The following ERC2 variants were observed in gnomAD, a reference collection of about 807,000 sequenced individuals.
ERC2 encodes ELKS/RAB6-interacting/CAST family member 2.
A neutral mutation model predicts 114.8 loss-of-function variants in ERC2; 42 were observed. The observed-to-expected ratio is 0.37, with a 90% CI of 0.29 to 0.47. The LOEUF is 0.47. ERC2 is among the 20% of genes least tolerant of loss of function. The pLI, the probability that ERC2 is intolerant of heterozygous loss-of-function variation, is 0.99. For missense variants in ERC2, 939 were observed against 1,150.7 expected, an observed-to-expected ratio of 0.82 and a Z score of 2.66; for synonymous variants, 454 against 425.5, an observed-to-expected ratio of 1.07 and a Z score of -0.82.
intron 14 of ERC2, among the ~76,000 whole-genome samples, chr3:55,842,588 A>C (rs754480608): frequency 2.4e-4 from 36 of 152,176 alleles, no homozygotes; most frequent in Non-Finnish European, 4.7e-4. Flanking sequence ...GCTCTGGTTA[A>C]ATATAGGTTG....
At chr3:56,044,989 T>C (rs941706130) in intron 7 of ERC2, among the ~76,000 whole-genome samples, 10 of 152,166 alleles carry the variant, frequency 6.6e-5, no homozygotes, top group Non-Finnish European at 1.2e-4. Context: ...TTCAAAAACA[T>C]AGTAACATGT....
Position 55,847,904 on chromosome 3 carries a change from TC to T in ERC2, c.2564+40484del, listed in dbSNP as rs201304427. On this transcript the variant is annotated intron_variant, in intron 14 of 17. Coordinates refer to ENST00000288221, the MANE Select transcript of ERC2 (RefSeq NM_015576.3). ...GCCTTGACCTCCTGGGCTCAAATGA[TC>T]CTCCTGCCTCAGCCTCCCAATCAGC... is the stretch of plus-strand genomic sequence containing the variant. Among the ~76,000 whole-genome samples the T allele has an allele frequency of 1.5e-4, 23 of 152,218 alleles. No homozygotes were observed. In the East Asian group the frequency reaches 3.1e-3, roughly 21 times the overall value.
intron 17 of ERC2, among the ~76,000 whole-genome samples, chr3:55,604,056 G>T (rs1169984700): frequency 6.6e-6 from 1 of 151,660 alleles, no homozygotes; most frequent in East Asian, 2.0e-4. Context: ...AGAAAGCAAT[G>T]AAAATATATT....
At chr3:56,288,197 C>T (rs180675812) in intron 3 of ERC2, among the ~76,000 whole-genome samples, 10 of 152,304 alleles carry the variant, frequency 6.6e-5, no homozygotes, top group Admixed American at 5.9e-4. Context: ...CTCACAGAGC[C>T]TGTGCTTGGG....
intron 13 of ERC2, among the ~76,000 whole-genome samples, chr3:55,938,339 C>G (rs771709147): frequency 1.0e-4 from 15 of 149,932 alleles, no homozygotes; most frequent in Non-Finnish European, 1.5e-4. Flanking sequence ...ATCTCCCAGA[C>G]TTCATAGCTA....
At chr3:56,149,856 G>A (rs1010923939) in intron 4 of ERC2, among the ~76,000 whole-genome samples, 1 of 152,002 alleles carries the variant, frequency 6.6e-6, no homozygotes, top group Non-Finnish European at 1.5e-5. Context: ...ACTCAGATGT[G>A]GAATTAATTG....
intron 3 of ERC2, among the ~76,000 whole-genome samples, chr3:56,189,659 T>G (rs1352611751): frequency 6.6e-6 from 1 of 152,224 alleles, no homozygotes; most frequent in Non-Finnish European, 1.5e-5. Context: ...TTGCCTTCTG[T>G]GAGGGCTGTT....
At chr3:56,302,746 T>C (rs2055965509) in intron 2 of ERC2, among the ~76,000 whole-genome samples, 1 of 152,254 alleles carries the variant, frequency 6.6e-6, no homozygotes, top group African/African-American at 2.4e-5. Flanking sequence ...TTTGCATGAC[T>C]GTATTCTAGG....
At position 56,220,263 on chromosome 3, in the gene ERC2, G is replaced by A. The variant is rs1358130788; in HGVS notation, c.1075-46743C>T. ...CTATCCTCAGGTTCTGTTACGTCAT[G>A]CCATTCTGCATTTCCCAAAAGATTT... On this transcript the variant is annotated intron_variant, in intron 3 of 17. Transcript: ENST00000288221. Among the ~76,000 whole-genome samples, 15 of 152,130 alleles carry A rather than the reference G, an allele frequency of 9.9e-5. No individual in the cohort carries two copies. In the East Asian group the frequency reaches 2.9e-3, roughly 29 times the overall value.
intron 6 of ERC2, among the ~76,000 whole-genome samples, chr3:56,085,769 G>C (rs2077469347): frequency 6.6e-6 from 1 of 152,186 alleles, no homozygotes; most frequent in African/African-American, 2.4e-5. Flanking sequence ...GAACACTCTG[G>C]ATTATAGCAG....
chr3:55,969,976 A>G (rs998586550), intron 12 of ERC2, among the ~76,000 whole-genome samples: 2 of 152,202 alleles, frequency 1.3e-5, no homozygotes, highest in Non-Finnish European at 2.9e-5. Context: ...AGACATAAAA[A>G]CTAAGCAAAT....
At chr3:56,202,104 G>C (rs1185873926) in intron 3 of ERC2, among the ~76,000 whole-genome samples, 1 of 152,130 alleles carries the variant, frequency 6.6e-6, no homozygotes, top group African/African-American at 2.4e-5. Flanking sequence ...ACAGCACAAG[G>C]TTTTAGCTTG....
At chr3:55,816,190 TGGG>T (rs1017023144) in intron 14 of ERC2, among the ~76,000 whole-genome samples, 5 of 152,158 alleles carry the variant, frequency 3.3e-5, no homozygotes, top group African/African-American at 1.2e-4. Context: ...GAATCCCAAA[TGGG>T]GGAATTTTAA....
intron 17 of ERC2, among the ~76,000 whole-genome samples, chr3:55,653,657 G>A (rs866977126): frequency 6.6e-5 from 10 of 151,690 alleles, no homozygotes; most frequent in Middle Eastern, 6.8e-3. Context: ...CATAGATGTG[G>A]GGATGTTGCA....
chr3:55,779,850 C>T (rs1007142138), intron 14 of ERC2, among the ~76,000 whole-genome samples: 1 of 151,910 alleles, frequency 6.6e-6, no homozygotes, highest in African/African-American at 2.4e-5. Flanking sequence ...TGATTCCTAC[C>T]ACGGCAAATT....
intron 3 of ERC2, among the ~76,000 whole-genome samples, chr3:56,275,028 A>G (rs530195385): frequency 6.6e-6 from 1 of 152,304 alleles, no homozygotes; most frequent in African/African-American, 2.4e-5. Context: ...TTTAGCTGCC[A>G]TCAACTTCAC....
intron 14 of ERC2, among the ~76,000 whole-genome samples, chr3:55,785,638 G>C (rs1450746625): frequency 6.6e-6 from 1 of 152,210 alleles, no homozygotes; most frequent in African/African-American, 2.4e-5. Flanking sequence ...GCCTCTTGAG[G>C]CTTGTGCTGT....
At chr3:55,949,232 T>TG (rs1372400563) in intron 13 of ERC2, among the ~76,000 whole-genome samples, 1 of 152,032 alleles carries the variant, frequency 6.6e-6, no homozygotes, top group African/African-American at 2.4e-5. Context: ...TAGCGGGGCA[T>TG]GGTGGCGGGA....
intron 7 of ERC2, among the ~76,000 whole-genome samples, chr3:56,049,813 C>T (rs1195113414): frequency 1.6e-5 from 2 of 125,284 alleles, no homozygotes; most frequent in African/African-American, 5.7e-5. Flanking sequence ...AAACTCCCAT[C>T]ATATATGTGT....
Sources: gnomAD v4.1 joint callset for allele counts (sites outside exome capture counted in the v4.1 genomes callset) on GRCh38, gnomAD v4.1.1 for gene constraint, MANE v1.5 for transcripts, NCBI Gene and HGNC (gene_info 2026-07-23, HGNC 2026-07-21) for gene names.